TMEM217: variants seen among roughly 807,000 people sequenced by gnomAD.
The protein encoded by TMEM217 is chromosome 6 open reading frame 128.
For synonymous variants in TMEM217, 76 were observed against 88.3 expected (o/e 0.86, Z 0.78); for missense variants, 204 against 248.8 (o/e 0.82, Z 1.21).
At chr6:37,254,266 A>G (rs567234604) in intron 1 of TMEM217, among the ~76,000 whole-genome samples, 1 of 152,306 alleles carries the variant, frequency 6.6e-6, no homozygotes, top group South Asian at 2.1e-4. Context: ...GCACTGGTCT[A>G]GTGGACCAGT....
At chr6:37,245,783 CT>C (rs1765037185) in intron 1 of TMEM217, among the ~76,000 whole-genome samples, 3 of 140,220 alleles carry the variant, frequency 2.1e-5, no homozygotes, top group African/African-American at 5.4e-5. Context: ...ATTTTCTTTT[CT>C]TTTCTTTCTT....
At chr6:37,218,208 C>A in exon 2 of TMEM217, 1 of 1,259,108 alleles carries the variant, frequency 7.9e-7, no homozygotes. Context: ...CTTACTCTGT[C>A]ACTCAGGCTG....
At chr6:37,257,574 C>T (rs1765829432) in exon 1 of TMEM217, 3 of 362,840 alleles carry the variant, frequency 8.3e-6, no homozygotes, top group Non-Finnish European at 1.0e-5. Context: ...TTACCTGCTT[C>T]TTCCCTCTCG....
intron 1 of TMEM217, among the ~76,000 whole-genome samples, chr6:37,227,968 TA>T (rs1421282231): frequency 1.2e-4 from 18 of 152,138 alleles, no homozygotes; most frequent in African/African-American, 4.3e-4. Flanking sequence ...AAAAAAAAGT[TA>T]ATGTTTCCAT....
chr6:37,233,717 C>A (rs1764333135), intron 1 of TMEM217, among the ~76,000 whole-genome samples: 1 of 152,194 alleles, frequency 6.6e-6, no homozygotes, highest in South Asian at 2.1e-4. Flanking sequence ...ACCATCACGT[C>A]TCCTTTGGAC....
chr6:37,212,952 GA>G (rs746087345), downstream of TMEM217: 3 of 1,549,574 alleles, frequency 1.9e-6, no homozygotes, highest in African/African-American at 4.1e-5. Context: ...CCATGAGGGA[GA>G]ACATCCTGAC....
intron 1 of TMEM217, among the ~76,000 whole-genome samples, chr6:37,223,429 G>C (rs570364307): frequency 6.6e-6 from 1 of 152,160 alleles, no homozygotes; most frequent in Non-Finnish European, 1.5e-5. Context: ...AAATCCCATG[G>C]AATAATATTT....
exon 2 of TMEM217, chr6:37,218,470 C>T (rs1352967411): frequency 1.2e-6 from 2 of 1,613,606 alleles, no homozygotes; most frequent in Non-Finnish European, 1.7e-6. Context: ...AGCCACTGAA[C>T]CCACTCGAAA....
At position 37,229,695 on chromosome 6, in the gene TMEM217, G is replaced by T. The variant is rs114096785; in HGVS notation, c.-11-10654C>A. Among the ~76,000 whole-genome samples the T allele has an allele frequency of 7.4e-3, 1,119 of 152,132 alleles. 13 individuals carry two copies. Among genetic ancestry groups the T allele is most frequent in the African/African-American group, 0.024 (986 of 41,508 alleles). On this transcript the variant is annotated intron_variant, in intron 1 of 1. Transcript: ENST00000357219. ...TTCGTTAGATTCATTTTATTATTTG[G>T]CTCATTCTAAGTTACAGCCATCTAT...
chr6:37,248,525 C>A (rs368235073), intron 1 of TMEM217, among the ~76,000 whole-genome samples: 1 of 152,178 alleles, frequency 6.6e-6, no homozygotes, highest in South Asian at 2.1e-4. Flanking sequence ...ACTTCTCTTA[C>A]ATTAAAGGAG....
intron 1 of TMEM217, among the ~76,000 whole-genome samples, chr6:37,254,483 A>T (rs1386467316): frequency 6.6e-6 from 1 of 152,198 alleles, no homozygotes; most frequent in Non-Finnish European, 1.5e-5. Flanking sequence ...GAAGCTGCAA[A>T]AGAGTTTGAA....
At chr6:37,218,256 A>G (rs989812489) in exon 2 of TMEM217, 1 of 1,266,072 alleles carries the variant, frequency 7.9e-7, no homozygotes, top group South Asian at 1.7e-5. Flanking sequence ...TGCAACCTCC[A>G]CCTCCCAGGT....
chr6:37,219,013 C>A (rs1187057506), exon 2 of TMEM217: 2 of 1,613,580 alleles, frequency 1.2e-6, no homozygotes, highest in Non-Finnish European at 1.7e-6. Context: ...TCATCCCACA[C>A]CACTGCTGCT....
intron 1 of TMEM217, among the ~76,000 whole-genome samples, chr6:37,248,029 G>A (rs577394003): frequency 9.6e-4 from 146 of 152,290 alleles, no homozygotes; most frequent in African/African-American, 3.1e-3. Context: ...ATAGTTCCAT[G>A]TAGGTCTCAT....
At chr6:37,229,340 T>TTTTTTTG (rs1554170951) in intron 1 of TMEM217, among the ~76,000 whole-genome samples, 26 of 123,104 alleles carry the variant, frequency 2.1e-4, no homozygotes, top group African/African-American at 8.1e-4. Context: ...TTTCAGTTTT[T>TTTTTTTG]TTTTTTTTTT....
At chr6:37,214,231 C>T (rs1464648773), downstream of TMEM217, among the ~76,000 whole-genome samples, 1 of 152,184 alleles carries the variant, frequency 6.6e-6, no homozygotes, top group Non-Finnish European at 1.5e-5. Context: ...TCCTTTCTCT[C>T]TCTCTCTCTC....
intron 1 of TMEM217, among the ~76,000 whole-genome samples, chr6:37,225,973 C>A (rs1763799348): frequency 6.6e-6 from 1 of 152,210 alleles, no homozygotes; most frequent in Non-Finnish European, 1.5e-5. Flanking sequence ...GAGAAATAAA[C>A]TCCTATCATA....
At chr6:37,212,986 C>T (rs1762991176), downstream of TMEM217, 1 of 1,540,306 alleles carries the variant, frequency 6.5e-7, no homozygotes, top group South Asian at 1.2e-5. Context: ...CTTGTTTTAC[C>T]AGAGCACCTC....
chr6:37,219,125 C>T, intron 1 of TMEM217, 84 bp from the exon 2 acceptor site: 1 of 1,236,950 alleles, frequency 8.1e-7, no homozygotes, highest in South Asian at 1.4e-5. Context: ...TTCCCCAAAT[C>T]TACTTTGGAG....
Sources: gnomAD v4.1 joint callset for allele counts (sites outside exome capture counted in the v4.1 genomes callset) on GRCh38, gnomAD v4.1.1 for gene constraint, MANE v1.5 for transcripts, NCBI Gene and HGNC (gene_info 2026-07-23, HGNC 2026-07-21) for gene names.